The following COPB1 variants were observed in gnomAD, a reference collection of about 807,000 sequenced individuals.
COPB1 encodes coatomer subunit beta.
In COPB1, 21 loss-of-function variants were observed where a neutral mutation model predicts 108.7. That is an observed-to-expected ratio of 0.19 (90% CI 0.14 to 0.28). COPB1 has a LOEUF of 0.28. COPB1 is among the 10% of genes least tolerant of loss of function. COPB1 has a pLI of 1.00. For synonymous variants in COPB1, 378 were observed against 386.8 expected (o/e 0.98, Z 0.27); for missense variants, 919 against 1,141.3 (o/e 0.81, Z 2.81).
At chr11:14,458,728 C>A (rs766054442) in intron 20 of COPB1, 41 bp from the exon 21 acceptor site, 45 of 1,569,222 alleles carry the variant, frequency 2.9e-5, no homozygotes, top group Non-Finnish European at 3.7e-5. Flanking sequence ...TTACCAGATA[C>A]CTACATAGAG....
At chr11:14,465,824 G>A (rs1169552406) in intron 17 of COPB1, among the ~76,000 whole-genome samples, 1 of 146,652 alleles carries the variant, frequency 6.8e-6, no homozygotes, top group African/African-American at 2.5e-5. Context: ...GTGGAAGTAA[G>A]CAGTCTGACC....
rs577093378 is a variant in COPB1, at chr11:14,459,756, A to G, written c.2646+452T>C. Among the ~76,000 whole-genome samples the G allele has an allele frequency of 3.3e-5, 5 of 152,176 alleles. No individual in the cohort carries two copies. The East Asian group carries it at 9.7e-4, about 29-fold the overall frequency. ...CTCAACCTCCCAAGTAGCTGGGATT[A>G]CAGGCACGTGCCACCACACCTGGGT... On this transcript the variant is annotated intron_variant, in intron 20 of 21. Coordinates refer to ENST00000439561, the MANE Select transcript of COPB1 (RefSeq NM_001144061.2).
chr11:14,487,780 A>T (rs1414020326), intron 6 of COPB1, among the ~76,000 whole-genome samples: 7 of 152,264 alleles, frequency 4.6e-5, no homozygotes. Context: ...TGTTAAGAGG[A>T]GCCCCTTTCT....
chr11:14,481,042 T>C lies in COPB1; in HGVS notation c.1013A>G (p.Lys338Arg), dbSNP rs1442320697. The C allele has an allele frequency of 2.5e-6, 4 of 1,613,984 alleles. No homozygotes were observed. The East Asian group carries it at 6.7e-5, about 27-fold the overall frequency. The part of the protein sequence containing the change: ...VLSTPDLEVR[K>R]KTLQLALDLV... Reference sequence around the variant, plus strand: ...ATCCAGTGCTAACTGCAGAGTTTTCTTTCGTACTTCTAAGTCTGGTGTGCT... The same window carrying C: ...ATCCAGTGCTAACTGCAGAGTTTTCCTTCGTACTTCTAAGTCTGGTGTGCT... Residue 338 changes from lysine to arginine, a missense_variant, in exon 9 of 22, where the codon AAG (lysine) becomes AGG (arginine). Transcript: ENST00000439561.
chr11:14,465,186 A>G (rs746923627), intron 17 of COPB1, among the ~76,000 whole-genome samples, 156 bp from the exon 18 acceptor site: 7 of 152,124 alleles, frequency 4.6e-5, no homozygotes, highest in Non-Finnish European at 8.8e-5. Context: ...TGAGAAGAGT[A>G]TGAATCAAAT....
chr11:14,461,396 T>A, intron 18 of COPB1, 65 bp from the exon 19 acceptor site: 1 of 1,493,726 alleles, frequency 6.7e-7, no homozygotes, highest in Non-Finnish European at 9.2e-7. Flanking sequence ...AAAATCTTAA[T>A]ATCCAAATAT....
intron 7 of COPB1, 111 bp from the exon 8 acceptor site, chr11:14,483,262 C>CA: frequency 5.4e-6 from 3 of 552,646 alleles, no homozygotes; most frequent in African/African-American, 1.9e-5. Flanking sequence ...ACACACACTC[C>CA]CATGAAGCCA....
At position 14,477,394 on chromosome 11, in the gene COPB1, A is replaced by AAAAAAAAAAAC. The variant is rs1309750902; in HGVS notation, c.1359-380_1359-379insGTTTTTTTTTT. Among the ~76,000 whole-genome samples the AAAAAAAAAAAC allele has an allele frequency of 1.5e-4, 21 of 143,710 alleles. 1 individual carries two copies. The highest frequency in any genetic ancestry group is 4.9e-4 in the African/African-American group (19 of 38,864). 94.3% of individuals were successfully genotyped at this position (143,710 alleles called of 152,430 possible). A position where few individuals can be genotyped will look rare whatever the true frequency, so the allele number is the denominator to read the frequency against. On this transcript the variant is annotated intron_variant, in intron 11 of 21. Transcript: ENST00000439561. ...GACAGAGCGAGACTCCGTCTCAAAA[A>AAAAAAAAAAAC]AAAAAAAAAAACAAGGGCCAGGCAC...
chr11:14,460,357 T>A (rs1850117939), intron 19 of COPB1, 60 bp from the exon 20 acceptor site: 1 of 1,051,248 alleles, frequency 9.5e-7, no homozygotes, highest in Non-Finnish European at 1.4e-6. Context: ...AAGCTGTGAA[T>A]CACCAGTATG....
intron 10 of COPB1, among the ~76,000 whole-genome samples, chr11:14,480,355 T>A (rs1407292331): frequency 6.6e-6 from 1 of 152,190 alleles, no homozygotes; most frequent in Non-Finnish European, 1.5e-5. Flanking sequence ...TATAATAACA[T>A]ACCTCACTTA....
In COPB1 at chr11:14,490,540, G is replaced by A. The variant is rs770795677; in HGVS notation, c.606+25C>T. 1.4e-5 allele frequency: 18 copies of A among 1,269,318 alleles called. 1 individual carries two copies. In the South Asian group the frequency reaches 1.9e-4, roughly 13 times the overall value. The allele number at this position is 1,269,318 out of a possible 1,614,324, so 78.6% of individuals were successfully genotyped here. A position where few individuals can be genotyped will look rare whatever the true frequency, so the allele number is the denominator to read the frequency against. On this transcript the variant is annotated intron_variant, in intron 5 of 21. Coordinates refer to ENST00000439561, the MANE Select transcript of COPB1 (RefSeq NM_001144061.2). ...AATTGTCACTTAAATACAGTAATAAGAGTATTTTTTAAAAAGTACCTCACC... is the reference window on the plus strand; with the variant it reads ...AATTGTCACTTAAATACAGTAATAAAAGTATTTTTTAAAAAGTACCTCACC...
At chr11:14,468,054 T>A (rs1246702697) in intron 16 of COPB1, among the ~76,000 whole-genome samples, 1 of 151,896 alleles carries the variant, frequency 6.6e-6, no homozygotes, top group Non-Finnish European at 1.5e-5. Context: ...CAACTTTAAC[T>A]ATAATTCAAA....
intron 6 of COPB1, among the ~76,000 whole-genome samples, chr11:14,488,191 C>A (rs1344922833): frequency 6.6e-6 from 1 of 151,946 alleles, no homozygotes; most frequent in African/African-American, 2.4e-5. Context: ...ATTTTAAAGC[C>A]TAATTATAAT....
intron 13 of COPB1, 66 bp downstream of exon 13, chr11:14,475,719 C>T: frequency 7.4e-7 from 1 of 1,343,724 alleles, no homozygotes; most frequent in Non-Finnish European, 9.7e-7. Context: ...AATCATTTGA[C>T]TGTCTTACAT....
intron 11 of COPB1, among the ~76,000 whole-genome samples, chr11:14,477,371 C>T (rs1295666898): frequency 2.5e-5 from 2 of 79,846 alleles, no homozygotes; most frequent in Admixed American, 3.6e-4. Context: ...GGCTGGGTGA[C>T]AGAGCGAGAC....
intron 11 of COPB1, chr11:14,478,957 C>CAAAAAA (rs35295507): frequency 6.7e-4 from 46 of 68,390 alleles, no homozygotes; most frequent in East Asian, 2.1e-3. Flanking sequence ...AGCCCTCTCA[C>CAAAAAA]AAAAAAAAAA....
At position 14,483,560 on chromosome 11, in the gene COPB1, G is replaced by T. The variant is rs867027559; in HGVS notation, c.838-409C>A. ...AGGCAAAGTCTAACTCATCTGCATT[G>T]CAGTACACAAACAACAAGAATATAA... On this transcript the variant is annotated intron_variant, in intron 7 of 21. Transcript: ENST00000439561. Among the ~76,000 whole-genome samples, 119 of 152,222 alleles carry T rather than the reference G, an allele frequency of 7.8e-4. 1 individual carries two copies. Among genetic ancestry groups the T allele is most frequent in the African/African-American group, 2.6e-3 (109 of 41,554 alleles).
chr11:14,498,961 A>T lies in COPB1; in HGVS notation c.-33T>A. 1 of 1,536,960 alleles carries T rather than the reference A, an allele frequency of 6.5e-7. No individual in the cohort carries two copies. The highest frequency in any genetic ancestry group is 8.9e-7 in the Non-Finnish European group (1 of 1,127,988). On this transcript the variant is annotated 5_prime_UTR_variant, in exon 2 of 22. Transcript: ENST00000439561. ...GGTTATATTATAACCAATCCTTGAC[A>T]CAAGATTTAAGGATGCCAGAAAATC...
intron 14 of COPB1, chr11:14,474,240 C>T (rs1850468562): frequency 4.0e-6 from 1 of 252,502 alleles, no homozygotes; most frequent in Admixed American, 4.7e-5. Context: ...TAAATCCTTT[C>T]TCTTCCACTG....
Sources: gnomAD v4.1 joint callset for allele counts (sites outside exome capture counted in the v4.1 genomes callset) on GRCh38, gnomAD v4.1.1 for gene constraint, MANE v1.5 for transcripts, NCBI Gene and HGNC (gene_info 2026-07-23, HGNC 2026-07-21) for gene names.